Variants in CLN8 observed in about 807,000 individuals in gnomAD.
The protein encoded by CLN8 is protein CLN8.
CLN8 carries 14 observed loss-of-function variants against 15.7 expected under a neutral mutation model. That is an observed-to-expected ratio of 0.89 (90% CI 0.59 to 1.39). CLN8 has a LOEUF of 1.39. CLN8 is among the 40% of genes most tolerant of loss of function. CLN8 has a pLI of 0.00. For missense variants in CLN8, 415 were observed against 364.0 expected (o/e 1.14, Z -1.14); for synonymous variants, 188 against 151.0 (o/e 1.25, Z -1.80).
intron 2 of CLN8, among the ~76,000 whole-genome samples, chr8:1,779,705 GA>G (rs1437865844): frequency 3.9e-5 from 6 of 152,210 alleles, no homozygotes; most frequent in Non-Finnish European, 5.9e-5. Context: ...CATGTCTGGT[GA>G]AGACCCACTT....
intron 2 of CLN8, among the ~76,000 whole-genome samples, chr8:1,777,947 A>G (rs959438659): frequency 2.7e-4 from 41 of 152,370 alleles, no homozygotes; most frequent in African/African-American, 9.6e-4. Context: ...GTGTGGAACC[A>G]CTGTCTATAC....
At chr8:1,753,937 G>A (rs1800610092), upstream of CLN8, among the ~76,000 whole-genome samples, 1 of 151,840 alleles carries the variant, frequency 6.6e-6, no homozygotes. Context: ...ACTCATTACT[G>A]TACAGTCCTA....
chr8:1,755,678 A>C (rs775973908), upstream of CLN8: 1 of 152,326 alleles, frequency 6.6e-6, no homozygotes. Flanking sequence ...GGGATGACCG[A>C]CAATCCATCC....
At position 1,771,081 on chromosome 8, in the gene CLN8, A is replaced by C. The variant is rs750274455; in HGVS notation, c.27A>C (p.Thr9=). The C allele has an allele frequency of 3.1e-6, 5 of 1,613,974 alleles. No individual in the cohort carries two copies. In the African/African-American group the frequency reaches 5.3e-5, roughly 17 times the overall value. ...TGAATCCTGCGAGCGATGGGGGCAC[A>C]TCAGAGAGCATTTTTGACCTGGACT... The part of the protein sequence containing the change: MNPASDGG[T]SESIFDLDYA... Residue 9 remains threonine (T), a synonymous_variant, in exon 2 of 3, where the codon ACA becomes ACC. Coordinates refer to ENST00000331222, the MANE Select transcript of CLN8 (RefSeq NM_018941.4).
chr8:1,770,559 A>G (rs1801257485), intron 1 of CLN8, among the ~76,000 whole-genome samples: 1 of 152,186 alleles, frequency 6.6e-6, no homozygotes, highest in Admixed American at 6.5e-5. Flanking sequence ...TCAGTGCTGT[A>G]ACAAAGTGTA....
chr8:1,768,794 G>C (rs1801183641), intron 1 of CLN8, among the ~76,000 whole-genome samples: 2 of 152,176 alleles, frequency 1.3e-5, no homozygotes. Flanking sequence ...GCTGCACACT[G>C]AATACCAGAG....
intron 2 of CLN8, among the ~76,000 whole-genome samples, chr8:1,778,928 G>T (rs1368240842): frequency 2.6e-5 from 4 of 152,180 alleles, no homozygotes; most frequent in Non-Finnish European, 5.9e-5. Flanking sequence ...GAACATCATG[G>T]TATATAGCCT....
At chr8:1,775,062 CCTT>C (rs369760946) in intron 2 of CLN8, among the ~76,000 whole-genome samples, 6 of 152,036 alleles carry the variant, frequency 3.9e-5, no homozygotes, top group African/African-American at 1.2e-4. Flanking sequence ...ATACAGTCGA[CCTT>C]CTGTATCCAT....
intron 1 of CLN8, among the ~76,000 whole-genome samples, chr8:1,765,825 G>A (rs2130970827): frequency 6.6e-6 from 1 of 152,354 alleles, no homozygotes; most frequent in South Asian, 2.1e-4. Context: ...CCCACAATCA[G>A]TGGTAAATAG....
chr8:1,776,740 T>C (rs903735418), intron 2 of CLN8, among the ~76,000 whole-genome samples: 15 of 152,236 alleles, frequency 9.9e-5, no homozygotes, highest in Admixed American at 9.2e-4. Flanking sequence ...TGCGGCTCCA[T>C]GCATAGGTCT....
rs1198837795 is a variant in CLN8, at chr8:1,771,425, C to G, written c.371C>G (p.Ser124Cys). 1 of 1,614,230 alleles carries G rather than the reference C, an allele frequency of 6.2e-7. No homozygotes were observed. Residue 124 changes from serine (S) to cysteine (C), a missense_variant, in exon 2 of 3, where the codon TCC becomes TGC. Physicochemically the swap from Ser to Cys is moderately radical, Grantham distance 112. Transcript: ENST00000331222. ...FCFENVAVHL[S>C]NLIFRTFDLF... ...TTTGAAAATGTTGCAGTCCACCTGT[C>G]CAACTTGATCTTCCGGACATTTGAC...
intron 2 of CLN8, among the ~76,000 whole-genome samples, chr8:1,779,036 C>A (rs571822822): frequency 1.4e-4 from 21 of 152,240 alleles, no homozygotes; most frequent in Non-Finnish European, 2.9e-4. Context: ...CTGAACAGCT[C>A]ATGTAATTCA....
chr8:1,758,458 T>C (rs1241502497), intron 1 of CLN8: 2 of 152,202 alleles, frequency 1.3e-5, no homozygotes, highest in Admixed American at 1.3e-4. Flanking sequence ...CTGGATTTTA[T>C]GCATTTTAGG....
rs1346459846 is a variant in CLN8, at chr8:1,773,014, G to T, written c.543+1417G>T. ...GGTAGATGATATCAGTCCATCAAAA[G>T]TGCACTGCAGTGTAAACAGTACAGA... On this transcript the variant is annotated intron_variant, in intron 2 of 2. Coordinates refer to ENST00000331222, the MANE Select transcript of CLN8 (RefSeq NM_018941.4). 3 of 398,526 alleles carry T rather than the reference G, an allele frequency of 7.5e-6. No homozygotes were observed. In the East Asian group the frequency reaches 1.1e-4, roughly 14 times the overall value. The allele number at this position is 398,526 out of a possible 1,614,324, so 24.7% of individuals were successfully genotyped here.
intron 2 of CLN8, among the ~76,000 whole-genome samples, chr8:1,779,686 C>A (rs1451015777): frequency 7.2e-5 from 11 of 152,292 alleles, no homozygotes; most frequent in African/African-American, 2.6e-4. Context: ...ATCAAGGCAC[C>A]AGCAGATTCA....
In CLN8 at chr8:1,781,126, G is replaced by C. The variant is rs1404653151; in HGVS notation, c.*559G>C. ...TAATCCCAGCACGTTGGGAGGCCGAGGCAGGTGGATCACTTGAGGCCAGGA... is the reference window on the plus strand; with the variant it reads ...TAATCCCAGCACGTTGGGAGGCCGACGCAGGTGGATCACTTGAGGCCAGGA... On this transcript the variant is annotated 3_prime_UTR_variant, in exon 3 of 3. Transcript: ENST00000331222. 1 of 153,870 alleles carries C rather than the reference G, an allele frequency of 6.5e-6. No individual in the cohort carries two copies. Among genetic ancestry groups the C allele is most frequent in the African/African-American group, 2.4e-5 (1 of 41,404 alleles). 9.5% of individuals were successfully genotyped at this position (153,870 alleles called of 1,614,324 possible).
At chr8:1,766,589 CA>C (rs1233026279) in intron 1 of CLN8, among the ~76,000 whole-genome samples, 1 of 151,936 alleles carries the variant, frequency 6.6e-6, no homozygotes, top group Non-Finnish European at 1.5e-5. Flanking sequence ...GACAAGGTTT[CA>C]CCATGTTAGC....
upstream of CLN8, chr8:1,755,771 C>T (rs140021981): frequency 5.7e-4 from 87 of 152,288 alleles, no homozygotes; most frequent in African/African-American, 1.9e-3. Context: ...ATTCTAACCT[C>T]CTCTGGAATG....
chr8:1,755,580 C>G (rs1445560993), upstream of CLN8, among the ~76,000 whole-genome samples: 2 of 152,196 alleles, frequency 1.3e-5, no homozygotes, highest in Non-Finnish European at 2.9e-5. Flanking sequence ...ATCAGCTGCT[C>G]TTTACCTTGA....
Sources: allele counts gnomAD v4.1 joint callset (sites outside exome capture counted in the v4.1 genomes callset), GRCh38; gene constraint gnomAD v4.1.1; transcripts MANE v1.5; gene names NCBI Gene and HGNC (gene_info 2026-07-23, HGNC 2026-07-21).